CRNKL1: variants seen among roughly 807,000 people sequenced by gnomAD.
CRNKL1 encodes crooked neck-like protein 1.
Under a neutral mutation model 103.7 loss-of-function variants are expected in CRNKL1, and 35 were observed. The observed-to-expected ratio is 0.34, with a 90% confidence interval of 0.26 to 0.45. The LOEUF is 0.45. Among genes scored for constraint, CRNKL1 ranks in the 20% least tolerant of loss-of-function variants. CRNKL1 has a pLI of 1.00. For missense variants in CRNKL1, 645 were observed against 836.0 expected, an observed-to-expected ratio of 0.77 and a Z score of 2.82; for synonymous variants, 267 against 282.6, an observed-to-expected ratio of 0.94 and a Z score of 0.55.
At chr20:20,047,427 T>C (rs924666821) in intron 5 of CRNKL1, among the ~76,000 whole-genome samples, 16 of 152,208 alleles carry the variant, frequency 1.1e-4, no homozygotes, top group Non-Finnish European at 1.9e-4. Flanking sequence ...TACTACATCA[T>C]TTTATATGAG....
Position 20,039,746 on chromosome 20 carries a change from T to C in CRNKL1, c.1408A>G (p.Lys470Glu), listed in dbSNP as rs2043482244. 3 of 1,614,186 alleles carry C rather than the reference T, an allele frequency of 1.9e-6. No homozygotes were observed. The highest frequency in any genetic ancestry group is 2.5e-6 in the Non-Finnish European group (3 of 1,180,026). The stretch of plus-strand genomic sequence containing the variant: ...TTTTCAGGTCCAAATTCCAGGAACT[T>C]TTCATAAAGCTTCCGGCATCTGTCA... ...EFDRCRKLYE[K>E]FLEFGPENCT... is the part of the protein sequence containing the mutation. The change falls in exon 11 of 14, where the codon AAG becomes GAG. Residue 470 changes from lysine to glutamate, a missense_variant. Around this residue, in one of 2 missense-constraint regions of CRNKL1, gnomAD observed 582 missense variants for 707.7 expected, o/e 0.82. Transcript: ENST00000536226.
At position 20,047,866 on chromosome 20, in the gene CRNKL1, C is replaced by T. The variant is rs200971188; in HGVS notation, c.521G>A (p.Arg174His). 14 of 1,614,250 alleles carry T rather than the reference C, an allele frequency of 8.7e-6. No individual in the cohort carries two copies. Among genetic ancestry groups the T allele is most frequent in the East Asian group, 2.2e-5 (1 of 44,876 alleles). ...CTCCTCAGGCTGCCACTCCATCCAG[C>T]GCTCAAACACCTGCCGGGCACCGGC... Reference protein sequence around the residue: ...NVAGARQVFERWMEWQPEEQA... With the variant: ...NVAGARQVFEHWMEWQPEEQA... Residue 174 changes from arginine to histidine, a missense_variant, in exon 5 of 14, where the codon CGC (arginine) becomes CAC (histidine). Around this residue, in one of 2 missense-constraint regions of CRNKL1, gnomAD observed 582 missense variants for 707.7 expected, o/e 0.82. Transcript: ENST00000536226.
rs763724590 is a variant in CRNKL1 at position 20,043,546 on chromosome 20, A to T, written c.918T>A (p.Gly306=). 2.1e-5 allele frequency: 34 copies of T among 1,613,904 alleles called. No homozygotes were observed. The highest frequency in any genetic ancestry group is 2.2e-5 in the Non-Finnish European group (26 of 1,179,980). ...GTTTGCTCACAATGATATCTTCAATACCCCGCCTATCACCAAACTTCTTCT... is the reference window on the plus strand; with the variant it reads ...GTTTGCTCACAATGATATCTTCAATTCCCCGCCTATCACCAAACTTCTTCT... ...IFEKKFGDRR[G]IEDIIVSKRR... Residue 306 remains glycine, a synonymous_variant, in exon 7 of 14, where the codon GGT becomes GGA. Transcript: ENST00000536226.
intron 3 of CRNKL1, among the ~76,000 whole-genome samples, chr20:20,048,773 G>A (rs1002026593): frequency 2.0e-5 from 3 of 152,200 alleles, no homozygotes; most frequent in African/African-American, 7.2e-5. Flanking sequence ...TGGTGGAAAA[G>A]GCTAAGTAGT....
intron 13 of CRNKL1, among the ~76,000 whole-genome samples, chr20:20,036,662 G>A (rs1423306621): frequency 3.3e-5 from 5 of 152,200 alleles, no homozygotes; most frequent in African/African-American, 9.7e-5. Context: ...TTAAGAAAAC[G>A]TTTAACGATC....
chr20:20,043,522 T>C lies in CRNKL1; in HGVS notation c.942A>G (p.Lys314=). The change falls in exon 7 of 14, where the codon AAA becomes AAG. Residue 314 remains lysine (K), a synonymous_variant. Transcript: ENST00000536226. ...CTTCTTCTTCGTACTGGAATCTCCG[T>C]TTGCTCACAATGATATCTTCAATAC... is the stretch of plus-strand genomic sequence containing the variant. ...RRGIEDIIVS[K]RRFQYEEEVK... 6.2e-7 allele frequency: 1 copy of C among 1,614,052 alleles called. No individual in the cohort carries two copies. Among genetic ancestry groups the C allele is most frequent in the Non-Finnish European group, 8.5e-7 (1 of 1,179,936 alleles).
At position 20,045,381 on chromosome 20, in the gene CRNKL1, T is replaced by G; in HGVS notation, c.728A>C (p.Glu243Ala). 6.2e-7 allele frequency: 1 copy of G among 1,613,548 alleles called. No homozygotes were observed. Among genetic ancestry groups the G allele is most frequent in the Non-Finnish European group, 8.5e-7 (1 of 1,179,866 alleles). ...ATCCATATGTTCATCTCCAAAGAAT[T>G]CCACAGCTCTCTCATACACTTTCCG... ...HARKVYERAV[E>A]FFGDEHMDEH... Residue 243 changes from glutamate (E) to alanine (A), a missense_variant, in exon 6 of 14, where the codon GAA (glutamate) becomes GCA (alanine). Physicochemically the swap from Glu to Ala is moderately radical, Grantham distance 107 (BLOSUM62 -1). Around this residue, in one of 2 missense-constraint regions of CRNKL1, gnomAD observed 582 missense variants for 707.7 expected, o/e 0.82. Transcript: ENST00000536226.
At chr20:20,048,655 G>C (rs1461299076) in intron 3 of CRNKL1, among the ~76,000 whole-genome samples, 154 bp from the exon 4 acceptor site, 1 of 152,116 alleles carries the variant, frequency 6.6e-6, no homozygotes, top group Non-Finnish European at 1.5e-5. Flanking sequence ...ATGCTCTCAA[G>C]TACCTTACAA....
upstream of CRNKL1, among the ~76,000 whole-genome samples, chr20:20,053,234 T>A (rs1360744259): frequency 6.7e-6 from 1 of 148,938 alleles, no homozygotes; most frequent in Non-Finnish European, 1.5e-5. Flanking sequence ...GTTAAGAGAA[T>A]TTTTTTTAAT....
At chr20:20,046,281 G>A (rs1246958447) in intron 5 of CRNKL1, among the ~76,000 whole-genome samples, 1 of 152,182 alleles carries the variant, frequency 6.6e-6, no homozygotes, top group East Asian at 1.9e-4. Context: ...CTGCAAGGAT[G>A]TTATGAGGAT....
At chr20:20,048,954 T>G (rs922367742) in intron 3 of CRNKL1, among the ~76,000 whole-genome samples, 1 of 151,982 alleles carries the variant, frequency 6.6e-6, no homozygotes, top group Non-Finnish European at 1.5e-5. Context: ...GAAGGAGGTA[T>G]GCGGGGAGAA....
intron 8 of CRNKL1, 47 bp downstream of exon 8, chr20:20,042,278 G>A: frequency 2.7e-6 from 4 of 1,493,848 alleles, no homozygotes; most frequent in African/African-American, 2.8e-5. Context: ...TGTGAATACA[G>A]AAGACAGGAA....
At chr20:20,045,236 A>G (rs1182380540) in intron 6 of CRNKL1, 72 bp downstream of exon 6, 2 of 1,294,692 alleles carry the variant, frequency 1.5e-6, no homozygotes, top group African/African-American at 3.0e-5. Context: ...AAAAATGGAA[A>G]TGAACTCACC....
Position 20,043,759 on chromosome 20 carries a change from G to A in CRNKL1, c.802-97C>T, listed in dbSNP as rs1425907264. ...ATAACAAAATATTACTTATAAGTTA[G>A]ATTTTGAGGCCTCATAATATCCAGA... On this transcript the variant is annotated intron_variant, in intron 6 of 13. Transcript: ENST00000536226. The A allele has an allele frequency of 3.5e-6, 4 of 1,144,216 alleles. No individual in the cohort carries two copies. The East Asian group carries it at 7.5e-5, about 21-fold the overall frequency. 70.9% of individuals were successfully genotyped at this position (1,144,216 alleles called of 1,614,324 possible).
chr20:20,040,589 A>T lies in CRNKL1; in HGVS notation c.1305+97T>A, dbSNP rs934758285. On this transcript the variant is annotated intron_variant, in intron 10 of 13. Coordinates refer to ENST00000536226, the MANE Select transcript of CRNKL1 (RefSeq NM_001278628.2). ...GCTATAAAGGTATAATACTTCTGTC[A>T]CTCTTTAAAGTAGGAACTGTACAAC... is the stretch of plus-strand genomic sequence containing the variant. 15 of 897,064 alleles carry T rather than the reference A, an allele frequency of 1.7e-5. No homozygotes were observed. The African/African-American group carries it at 2.5e-4, about 15-fold the overall frequency. 55.6% of individuals were successfully genotyped at this position (897,064 alleles called of 1,614,324 possible).
At position 20,048,265 on chromosome 20, in the gene CRNKL1, C is replaced by T. The variant is rs368214488; in HGVS notation, c.455+78G>A. ...GTAGGATATCAAATTAAACTATCAT[C>T]ATGTAAATAAAATAAATACAGAAGA... On this transcript the variant is annotated intron_variant, in intron 4 of 13. Transcript: ENST00000536226. The T allele has an allele frequency of 8.7e-6, 13 of 1,488,968 alleles. No homozygotes were observed. In the East Asian group the frequency reaches 2.7e-4, roughly 31 times the overall value. 92.2% of individuals were successfully genotyped at this position (1,488,968 alleles called of 1,614,324 possible). A position where few individuals can be genotyped will look rare whatever the true frequency, so the allele number is the denominator to read the frequency against.
upstream of CRNKL1, chr20:20,056,036 G>C: frequency 6.4e-7 from 1 of 1,564,992 alleles, no homozygotes; most frequent in Non-Finnish European, 8.7e-7. Flanking sequence ...TTCCCAAAGA[G>C]TGTCGGAAAG....
rs1347226291 is a variant in CRNKL1 at position 20,037,445 on chromosome 20, T to C, written c.1774A>G (p.Met592Val). ...RNCEEKEERL[M>V]LLESWRSFEE... Reference sequence around the variant, plus strand: ...AAACTTCGCCAAGATTCCAGCAGCATAAGTCTCTCTTCCTTTTCTTCACAG... The same window carrying C: ...AAACTTCGCCAAGATTCCAGCAGCACAAGTCTCTCTTCCTTTTCTTCACAG... Residue 592 changes from methionine to valine, a missense_variant, in exon 13 of 14, where the codon ATG becomes GTG. By Grantham distance (21) the Met-to-Val change is conservative (BLOSUM62 1). Around this residue, in one of 2 missense-constraint regions of CRNKL1, gnomAD observed 582 missense variants for 707.7 expected, o/e 0.82. Coordinates refer to ENST00000536226, the MANE Select transcript of CRNKL1 (RefSeq NM_001278628.2). The C allele has an allele frequency of 6.2e-7, 1 of 1,614,194 alleles. No individual in the cohort carries two copies.
At chr20:20,055,625 A>G (rs1193467945), upstream of CRNKL1, among the ~76,000 whole-genome samples, 1 of 152,202 alleles carries the variant, frequency 6.6e-6, no homozygotes, top group Non-Finnish European at 1.5e-5. Flanking sequence ...TCAGTTATCT[A>G]ATTAATTATA....
Sources: allele counts gnomAD v4.1 joint callset (sites outside exome capture counted in the v4.1 genomes callset), GRCh38; gene constraint gnomAD v4.1.1; regional missense constraint gnomAD v4.1.1; transcripts MANE v1.5; gene names NCBI Gene and HGNC (gene_info 2026-07-23, HGNC 2026-07-21).